Variants in GPR174 observed in about 807,000 individuals in gnomAD.
GPR174 encodes the protein G protein-coupled receptor 174, also known as probable G protein-coupled receptor 174.
A neutral mutation model predicts 16.5 loss-of-function variants in GPR174; 8 were observed. The ratio of observed to expected loss-of-function variants is 0.48; its 90% confidence interval spans 0.28 to 0.87. The LOEUF is 0.87. Ranked by LOEUF, GPR174 falls within the 40% of genes least tolerant of loss-of-function variation. The pLI is 0.09. For missense variants in GPR174, 214 were observed against 247.5 expected (o/e 0.86, Z 0.91); for synonymous variants, 111 against 94.8 (o/e 1.17, Z -0.99).
At position 79,145,026 on chromosome X, in the gene GPR174, CTTTCT is replaced by C. The variant is rs1926469239; in HGVS notation, c.-842_-838del. 1.6e-5 allele frequency: 1 copy of C among 62,306 alleles called. No homozygotes were observed. The allele number at this position is 62,306 out of a possible 1,213,427, so 5.1% of individuals were successfully genotyped here. A position where few individuals can be genotyped will look rare whatever the true frequency, so the allele number is the denominator to read the frequency against. On this transcript the variant is annotated 5_prime_UTR_variant, in exon 1 of 3. Coordinates refer to ENST00000645147, the MANE Select transcript of GPR174 (RefSeq NM_032553.3). Reference sequence around the variant, plus strand: ...TCTCTCTTTCTTTCTTTCTTTCTTTCTTTCTTTCTTTCTTTCTTTCTTTCTTTCTT... The same window carrying C: ...TCTCTCTTTCTTTCTTTCTTTCTTTCTTCTTTCTTTCTTTCTTTCTTTCTT...
At chrX:79,168,526 C>G (rs1921431273) in intron 2 of GPR174, among the ~76,000 whole-genome samples, 2 of 82,635 alleles carry the variant, frequency 2.4e-5, no homozygotes, top group Non-Finnish European at 5.2e-5. Flanking sequence ...AAGCAAGACC[C>G]CAATCTCTAC....
intron 2 of GPR174, among the ~76,000 whole-genome samples, chrX:79,157,838 C>A (rs1490951635): frequency 9.1e-6 from 1 of 110,064 alleles, no homozygotes; most frequent in East Asian, 2.9e-4. Context: ...TGTAAAGGAA[C>A]ATGTCTAGTG....
Position 79,171,060 on chromosome X carries a change from G to A in GPR174, c.53G>A (p.Arg18Gln). The change falls in exon 3 of 3, where the codon CGA becomes CAA. Residue 18 changes from arginine to glutamine, a missense_variant. Transcript: ENST00000645147. ...TRPDGDNTDF[R>Q]YFIYAVTYTV... ...CCAGATGGAGACAATACAGATTTTC[G>A]ATACTTTATTTATGCAGTGACATAC... The A allele has an allele frequency of 1.7e-6, 2 of 1,207,492 alleles. No individual in the cohort carries two copies. Among genetic ancestry groups the A allele is most frequent in the Non-Finnish European group, 2.2e-6 (2 of 892,655 alleles).
chrX:79,166,790 G>A (rs186467409), intron 2 of GPR174, among the ~76,000 whole-genome samples: 24 of 111,256 alleles, frequency 2.2e-4, no homozygotes, highest in Admixed American at 2.0e-3. Context: ...TTACACCTAA[G>A]CTTAGTTGAA....
intron 2 of GPR174, among the ~76,000 whole-genome samples, chrX:79,161,560 C>G (rs1406209695): frequency 9.0e-6 from 1 of 111,645 alleles, no homozygotes; most frequent in Non-Finnish European, 1.9e-5. Context: ...CATATAAAGT[C>G]ACCCTAGCCC....
In GPR174 at chrX:79,171,063, A is replaced by G; in HGVS notation, c.56A>G (p.Tyr19Cys). Reference sequence around the variant, plus strand: ...GATGGAGACAATACAGATTTTCGATACTTTATTTATGCAGTGACATACACT... The same window carrying G: ...GATGGAGACAATACAGATTTTCGATGCTTTATTTATGCAGTGACATACACT... ...RPDGDNTDFR[Y>C]FIYAVTYTVI... The change falls in exon 3 of 3, where the codon TAC (tyrosine) becomes TGC (cysteine). Residue 19 changes from tyrosine (Y) to cysteine (C), a missense_variant. Coordinates refer to ENST00000645147, the MANE Select transcript of GPR174 (RefSeq NM_032553.3). The G allele has an allele frequency of 8.3e-7, 1 of 1,207,593 alleles. No homozygotes were observed. The highest frequency in any genetic ancestry group is 3.0e-5 in the East Asian group (1 of 33,762).
chrX:79,172,079 C>T lies in GPR174; in HGVS notation c.*70C>T. On this transcript the variant is annotated 3_prime_UTR_variant, in exon 3 of 3. Coordinates refer to ENST00000645147, the MANE Select transcript of GPR174 (RefSeq NM_032553.3). ...GAACATATCTGCAATACCCAAGCCA[C>T]AGGGAAGAACTTGCAAAACAACACA... The T allele has an allele frequency of 9.6e-7, 1 of 1,039,420 alleles. No individual in the cohort carries two copies. The highest frequency in any genetic ancestry group is 2.3e-5 in the South Asian group (1 of 43,258). The allele number at this position is 1,039,420 out of a possible 1,213,427, so 85.7% of individuals were successfully genotyped here.
intron 2 of GPR174, among the ~76,000 whole-genome samples, chrX:79,162,889 AG>A (rs753875902): frequency 5.8e-4 from 65 of 112,090 alleles, no homozygotes; most frequent in African/African-American, 2.0e-3. Context: ...ATTTATGGGA[AG>A]AAATTAGATA....
At chrX:79,152,684 C>A (rs184555726) in intron 1 of GPR174, among the ~76,000 whole-genome samples, 1 of 111,620 alleles carries the variant, frequency 9.0e-6, no homozygotes, top group East Asian at 2.8e-4. Context: ...CAACAGGCAC[C>A]AATCACAAGT....
chrX:79,153,364 C>A (rs900609959), intron 1 of GPR174, among the ~76,000 whole-genome samples: 6 of 111,972 alleles, frequency 5.4e-5, no homozygotes, highest in Non-Finnish European at 7.5e-5. Context: ...TCACTCCATT[C>A]TTTTGTCCTA....
At chrX:79,158,817 C>T (rs777316653) in intron 2 of GPR174, among the ~76,000 whole-genome samples, 1 of 106,565 alleles carries the variant, frequency 9.4e-6, no homozygotes, top group East Asian at 2.9e-4. Flanking sequence ...TGAATAAGAC[C>T]TACTATTTGA....
At chrX:79,167,495 A>G (rs1439130659) in intron 2 of GPR174, among the ~76,000 whole-genome samples, 2 of 110,637 alleles carry the variant, frequency 1.8e-5, no homozygotes, top group Non-Finnish European at 3.8e-5. Flanking sequence ...AGGGGCAGGG[A>G]AGCGAATAGT....
chrX:79,153,195 G>A (rs1291721035), intron 1 of GPR174, among the ~76,000 whole-genome samples: 1 of 111,848 alleles, frequency 8.9e-6, no homozygotes, highest in Non-Finnish European at 1.9e-5. Flanking sequence ...CTTAGCATTT[G>A]ACCTGCCCAA....
chrX:79,172,094 A>C lies in GPR174; in HGVS notation c.*85A>C. ...ACCCAAGCCACAGGGAAGAACTTGC[A>C]AAACAACACAGCTTTTCAGTTCTGC... On this transcript the variant is annotated 3_prime_UTR_variant, in exon 3 of 3. Coordinates refer to ENST00000645147, the MANE Select transcript of GPR174 (RefSeq NM_032553.3). 4 of 952,509 alleles carry C rather than the reference A, an allele frequency of 4.2e-6. No individual in the cohort carries two copies. Among genetic ancestry groups the C allele is most frequent in the Non-Finnish European group, 2.9e-6 (2 of 693,939 alleles). The allele number at this position is 952,509 out of a possible 1,213,427, so 78.5% of individuals were successfully genotyped here. A position where few individuals can be genotyped will look rare whatever the true frequency, so the allele number is the denominator to read the frequency against.
intron 2 of GPR174, among the ~76,000 whole-genome samples, chrX:79,168,638 C>G (rs1339891491): frequency 9.1e-6 from 1 of 109,990 alleles, no homozygotes; most frequent in Non-Finnish European, 1.9e-5. Flanking sequence ...GAGTTCCAGG[C>G]TGCAGTGAGT....
chrX:79,155,569 T>A (rs1291642859), intron 1 of GPR174, among the ~76,000 whole-genome samples: 2 of 111,523 alleles, frequency 1.8e-5, no homozygotes, highest in Non-Finnish European at 3.8e-5. Flanking sequence ...GCACTTGTTA[T>A]GTGCCAAGCC....
chrX:79,154,513 T>A (rs926992718), intron 1 of GPR174, among the ~76,000 whole-genome samples: 5 of 111,359 alleles, frequency 4.5e-5, no homozygotes, highest in Non-Finnish European at 9.4e-5. Flanking sequence ...TTGGATTGGA[T>A]ATGGAGCCCA....
intron 2 of GPR174, among the ~76,000 whole-genome samples, chrX:79,160,154 C>T (rs181584509): frequency 5.4e-5 from 6 of 110,949 alleles, no homozygotes; most frequent in Non-Finnish European, 1.1e-4. Flanking sequence ...AGTCTTTAAA[C>T]AATGTCATCA....
chrX:79,158,484 G>T (rs1470971641), intron 2 of GPR174, among the ~76,000 whole-genome samples: 2 of 91,980 alleles, frequency 2.2e-5, no homozygotes, highest in Non-Finnish European at 4.2e-5. Flanking sequence ...TTGCTCTGTC[G>T]CCAGGCTGGA....
Sources: gnomAD v4.1 joint callset for allele counts (sites outside exome capture counted in the v4.1 genomes callset) on GRCh38, gnomAD v4.1.1 for gene constraint, MANE v1.5 for transcripts, NCBI Gene and HGNC (gene_info 2026-07-23, HGNC 2026-07-21) for gene names.